Variants in CADM1 observed in about 807,000 individuals in gnomAD.
The protein encoded by CADM1 is TSLC-1.
A neutral mutation model predicts 53.1 loss-of-function variants in CADM1; 15 were observed. The ratio of observed to expected loss-of-function variants is 0.28; its 90% confidence interval spans 0.19 to 0.44. The LOEUF is 0.44. Ranked by LOEUF, CADM1 falls within the 20% of genes least tolerant of loss-of-function variation. The pLI is 1.00. For missense variants in CADM1, 434 were observed against 611.3 expected (o/e 0.71, Z 3.06); for synonymous variants, 281 against 243.0 (o/e 1.16, Z -1.45).
At chr11:115,236,229 C>T (rs1247783025) in intron 3 of CADM1, among the ~76,000 whole-genome samples, 1 of 152,174 alleles carries the variant, frequency 6.6e-6, no homozygotes. Context: ...AACGAAGATG[C>T]TACTGTCATT....
At chr11:115,177,679 T>A (rs1939099727) in intron 11 of CADM1, among the ~76,000 whole-genome samples, 1 of 139,440 alleles carries the variant, frequency 7.2e-6, no homozygotes, top group Non-Finnish European at 1.6e-5. Context: ...TCTGTCAAGC[T>A]TACCACCGAG....
intron 3 of CADM1, among the ~76,000 whole-genome samples, chr11:115,238,243 G>T (rs1942079468): frequency 6.6e-6 from 1 of 152,140 alleles, no homozygotes; most frequent in African/African-American, 2.4e-5. Context: ...TCATTTGAGG[G>T]CTCTAAATTC....
chr11:115,309,188 A>G (rs1944468180), intron 1 of CADM1, among the ~76,000 whole-genome samples: 1 of 152,148 alleles, frequency 6.6e-6, no homozygotes, highest in South Asian at 2.1e-4. Context: ...AGTTCTGTTT[A>G]TTCTTTCTCC....
chr11:115,294,351 T>TCAGC (rs941852776), intron 1 of CADM1, among the ~76,000 whole-genome samples: 2 of 152,108 alleles, frequency 1.3e-5, no homozygotes, highest in East Asian at 3.9e-4. Flanking sequence ...CCTCCTTCCT[T>TCAGC]CAGCTCTTAC....
rs1051749099 is a variant in CADM1, at chr11:115,490,268, G to A, written c.124+14003C>T. ...GCAGGACCTATAGCTAATATAGGGG[G>A]AGATGATAACAAAGGAGGGAATTCT... On this transcript the variant is annotated intron_variant, in intron 1 of 11. Coordinates refer to ENST00000331581, the MANE Select transcript of CADM1 (RefSeq NM_001301043.2). Among the ~76,000 whole-genome samples, 7 of 152,132 alleles carry A rather than the reference G, an allele frequency of 4.6e-5. No homozygotes were observed. In the South Asian group the frequency reaches 8.3e-4, roughly 18 times the overall value.
In CADM1 at chr11:115,174,509, C is replaced by T; in HGVS notation, c.*1965G>A. Reference sequence around the variant, plus strand: ...TAGGGGAGGGGTAAATAAAATGCTGCTCGATAATGGATTTTCTTTTACATA... The same window carrying T: ...TAGGGGAGGGGTAAATAAAATGCTGTTCGATAATGGATTTTCTTTTACATA... On this transcript the variant is annotated 3_prime_UTR_variant, in exon 12 of 12. Transcript: ENST00000331581. The T allele has an allele frequency of 1.0e-6, 1 of 985,612 alleles. No homozygotes were observed. The allele number at this position is 985,612 out of a possible 1,614,324, so 61.1% of individuals were successfully genotyped here. A position where few individuals can be genotyped will look rare whatever the true frequency, so the allele number is the denominator to read the frequency against.
At chr11:115,259,294 T>C (rs1263298979) in intron 1 of CADM1, among the ~76,000 whole-genome samples, 1 of 58,020 alleles carries the variant, frequency 1.7e-5, no homozygotes, top group Non-Finnish European at 3.8e-5. Context: ...TCTTAACTTT[T>C]TTTTTTTTTT....
chr11:115,495,314 T>C (rs954552350), intron 1 of CADM1, among the ~76,000 whole-genome samples: 31 of 152,182 alleles, frequency 2.0e-4, no homozygotes, highest in African/African-American at 4.8e-5. Context: ...CAAATAAATA[T>C]ATACCACATA....
chr11:115,225,008 A>C (rs571743903), intron 5 of CADM1, among the ~76,000 whole-genome samples: 45 of 152,344 alleles, frequency 3.0e-4, no homozygotes, highest in Non-Finnish European at 4.7e-4. Flanking sequence ...TGTTCTCTGC[A>C]TAACATCTAA....
chr11:115,206,897 A>G (rs1376284152), intron 8 of CADM1, among the ~76,000 whole-genome samples: 1 of 150,036 alleles, frequency 6.7e-6, no homozygotes, highest in Non-Finnish European at 1.5e-5. Context: ...AGTGGAAATT[A>G]ATTTAGCTAT....
At chr11:115,500,307 C>T (rs11215577) in intron 1 of CADM1, among the ~76,000 whole-genome samples, 1 of 152,126 alleles carries the variant, frequency 6.6e-6, no homozygotes, top group Non-Finnish European at 1.5e-5. Context: ...AACAGACACA[C>T]ACACACACAC....
chr11:115,238,834 G>GT (rs1942106198), intron 2 of CADM1, among the ~76,000 whole-genome samples, 182 bp from the exon 3 acceptor site: 1 of 152,042 alleles, frequency 6.6e-6, no homozygotes, highest in Non-Finnish European at 1.5e-5. Context: ...CAGTGTATGT[G>GT]TGAGTGTGTG....
At chr11:115,248,911 G>A (rs1392915990) in intron 1 of CADM1, among the ~76,000 whole-genome samples, 2 of 152,142 alleles carry the variant, frequency 1.3e-5, no homozygotes, top group East Asian at 3.9e-4. Flanking sequence ...AGAGGCCCTT[G>A]GGAGAAGGGG....
chr11:115,411,511 T>C (rs1438964947), intron 1 of CADM1, among the ~76,000 whole-genome samples: 2 of 152,176 alleles, frequency 1.3e-5, no homozygotes. Flanking sequence ...AGAGCCTTAC[T>C]ACAATCTGCC....
rs150428139 is a variant in CADM1 at position 115,223,851 on chromosome 11, T to C, written c.721+5262A>G. The stretch of plus-strand genomic sequence containing the variant: ...TCAATCGGGGTTCTTCATTCCTTGA[T>C]TATTTCTCATAAGGAATCATAAATA... On this transcript the variant is annotated intron_variant, in intron 5 of 11. Coordinates refer to ENST00000331581, the MANE Select transcript of CADM1 (RefSeq NM_001301043.2). Among the ~76,000 whole-genome samples, 332 of 152,062 alleles carry C rather than the reference T, an allele frequency of 2.2e-3. 1 individual carries two copies. The highest frequency in any genetic ancestry group is 0.017 in the Middle Eastern group (5 of 292).
intron 1 of CADM1, among the ~76,000 whole-genome samples, chr11:115,312,937 GA>G (rs2135166939): frequency 6.6e-6 from 1 of 151,998 alleles, no homozygotes; most frequent in African/African-American, 2.4e-5. Flanking sequence ...AATGTGAGCA[GA>G]AAATCAGACA....
At position 115,175,534 on chromosome 11, in the gene CADM1, C is replaced by T. The variant is rs374703534; in HGVS notation, c.*940G>A. 19 of 985,526 alleles carry T rather than the reference C, an allele frequency of 1.9e-5. No individual in the cohort carries two copies. In the East Asian group the frequency reaches 1.0e-3, roughly 53 times the overall value. The allele number at this position is 985,526 out of a possible 1,614,324, so 61.0% of individuals were successfully genotyped here. The stretch of plus-strand genomic sequence containing the variant: ...GAGCAGAACTGTATTTCCCCCCTCC[C>T]TACTTCCCCTCCTGTGGCAACTCAA... On this transcript the variant is annotated 3_prime_UTR_variant, in exon 12 of 12. Coordinates refer to ENST00000331581, the MANE Select transcript of CADM1 (RefSeq NM_001301043.2).
At chr11:115,239,974 GCCTTAC>G (rs1164837983) in intron 2 of CADM1, among the ~76,000 whole-genome samples, 1 of 152,074 alleles carries the variant, frequency 6.6e-6, no homozygotes, top group Non-Finnish European at 1.5e-5. Flanking sequence ...TATTTTCCTT[GCCTTAC>G]CCTGTTGAGT....
Position 115,176,483 on chromosome 11 carries a change from G to A in CADM1, c.1407C>T (p.Tyr469=), listed in dbSNP as rs767975729. The A allele has an allele frequency of 1.9e-6, 3 of 1,613,910 alleles. No individual in the cohort carries two copies. The South Asian group carries it at 3.3e-5, about 18-fold the overall frequency. ...GQNNSEEKKE[Y]FI Reference sequence around the variant, plus strand: ...AAACAAAAAGGCTGATCTAGATGAAGTACTCTTTCTTTTCTTCGGAGTTGT... The same window carrying A: ...AAACAAAAAGGCTGATCTAGATGAAATACTCTTTCTTTTCTTCGGAGTTGT... The change falls in exon 12 of 12, where the codon TAC becomes TAT. Residue 469 remains tyrosine (Y), a synonymous_variant. Transcript: ENST00000331581.
Sources: allele counts gnomAD v4.1 joint callset (sites outside exome capture counted in the v4.1 genomes callset), GRCh38; gene constraint gnomAD v4.1.1; transcripts MANE v1.5; gene names NCBI Gene and HGNC (gene_info 2026-07-23, HGNC 2026-07-21).